NTN4: variants seen among roughly 807,000 people sequenced by gnomAD.
NTN4 encodes the protein netrin-4.
NTN4 carries 32 observed loss-of-function variants against 73.6 expected under a neutral mutation model. The ratio of observed to expected loss-of-function variants is 0.44; its 90% CI spans 0.33 to 0.58. The LOEUF is 0.58. NTN4 is among the 20% of genes least tolerant of loss of function. The probability of loss-of-function intolerance (pLI) is 0.04; values close to 1 mark genes in which losing one functional copy is unlikely to be tolerated. For missense variants in NTN4, 654 were observed against 798.3 expected (o/e 0.82, Z 2.18); for synonymous variants, 258 against 287.5 (o/e 0.90, Z 1.04).
rs59083360 is a variant in NTN4 at position 95,678,349 on chromosome 12, T to TA, written c.1510+4357dup. 4.9e-3 allele frequency among the ~76,000 whole-genome samples: 549 copies of TA among 110,912 alleles called. 3 individuals carry two copies. Among genetic ancestry groups the TA allele is most frequent in the African/African-American group, 0.015 (427 of 28,594 alleles). The allele number at this position is 110,912 out of a possible 152,430, so 72.8% of individuals were successfully genotyped here. On this transcript the variant is annotated intron_variant, in intron 7 of 9. Transcript: ENST00000343702. ...TGCACATGTATCCTAGAACTTAAAGTAAAAAAAAAAAAAAAAAAAGAATAG... is the reference window on the plus strand; with the variant it reads ...TGCACATGTATCCTAGAACTTAAAGTAAAAAAAAAAAAAAAAAAAAGAATAG...
chr12:95,671,983 A>G (rs1592654558), intron 7 of NTN4, among the ~76,000 whole-genome samples: 1 of 152,010 alleles, frequency 6.6e-6, no homozygotes. Flanking sequence ...TAATTTACTC[A>G]TTTAATATTC....
Position 95,682,612 on chromosome 12 carries a change from CT to C in NTN4, c.1510+94del, listed in dbSNP as rs2078326935. 3 of 744,422 alleles carry C rather than the reference CT, an allele frequency of 4.0e-6. No individual in the cohort carries two copies. In the African/African-American group the frequency reaches 5.2e-5, roughly 13 times the overall value. 46.1% of individuals were successfully genotyped at this position (744,422 alleles called of 1,614,324 possible). On this transcript the variant is annotated intron_variant, in intron 7 of 9. Transcript: ENST00000343702. The stretch of plus-strand genomic sequence containing the variant: ...GAAACCCCAGAACTAAAGAGTTCCC[CT>C]CATAGGATCCAAAAGCTGGACCCTG...
intron 3 of NTN4, among the ~76,000 whole-genome samples, chr12:95,729,611 TAAAG>T (rs2078721472): frequency 2.0e-5 from 2 of 99,498 alleles, no homozygotes; most frequent in Admixed American, 2.1e-4. Flanking sequence ...GGAATTATTA[TAAAG>T]AGAGAGAGAG....
intron 3 of NTN4, among the ~76,000 whole-genome samples, chr12:95,724,683 T>C (rs1032682527): frequency 6.6e-6 from 1 of 152,172 alleles, no homozygotes; most frequent in African/African-American, 2.4e-5. Flanking sequence ...GTAATTCCTG[T>C]CTATAGACAG....
chr12:95,714,499 C>T (rs937168664), intron 3 of NTN4, among the ~76,000 whole-genome samples: 1 of 151,458 alleles, frequency 6.6e-6, no homozygotes, highest in African/African-American at 2.4e-5. Flanking sequence ...CTATGCTAGG[C>T]CATGTTTGGT....
At chr12:95,674,689 A>G (rs888057895) in intron 7 of NTN4, among the ~76,000 whole-genome samples, 1 of 152,226 alleles carries the variant, frequency 6.6e-6, no homozygotes, top group African/African-American at 2.4e-5. Context: ...TATGGGAGGT[A>G]TATAGGTAGG....
chr12:95,707,115 T>G (rs1354002541), intron 5 of NTN4, among the ~76,000 whole-genome samples: 1 of 152,116 alleles, frequency 6.6e-6, no homozygotes, highest in Non-Finnish European at 1.5e-5. Context: ...ACAAGAACAG[T>G]CTTTTGAAAA....
intron 2 of NTN4, among the ~76,000 whole-genome samples, chr12:95,776,812 AC>A (rs2079096436): frequency 1.3e-5 from 2 of 152,152 alleles, no homozygotes; most frequent in Non-Finnish European, 2.9e-5. Flanking sequence ...TACAGAGAAC[AC>A]CAAAAAGATA....
intron 5 of NTN4, among the ~76,000 whole-genome samples, chr12:95,699,488 ACT>A (rs1565888636): frequency 6.6e-6 from 1 of 152,106 alleles, no homozygotes; most frequent in East Asian, 1.9e-4. Context: ...AAATGCAGAG[ACT>A]CTTCCTGAGA....
chr12:95,758,557 T>C (rs1229077372), intron 2 of NTN4, among the ~76,000 whole-genome samples: 1 of 152,118 alleles, frequency 6.6e-6, no homozygotes, highest in African/African-American at 2.4e-5. Context: ...TAGCAATAGT[T>C]TTTTATTTTA....
chr12:95,718,656 G>A (rs1336344466), intron 3 of NTN4, among the ~76,000 whole-genome samples: 2 of 152,228 alleles, frequency 1.3e-5, no homozygotes, highest in South Asian at 2.1e-4. Context: ...AAAATCAAAC[G>A]AGGAAGAGCT....
chr12:95,684,439 C>G (rs2078344719), intron 5 of NTN4, among the ~76,000 whole-genome samples: 1 of 151,844 alleles, frequency 6.6e-6, no homozygotes, highest in African/African-American at 2.4e-5. Flanking sequence ...GGTGGGACTA[C>G]AAGCCGGCAC....
At chr12:95,760,222 C>T (rs558949134) in intron 2 of NTN4, among the ~76,000 whole-genome samples, 1 of 152,146 alleles carries the variant, frequency 6.6e-6, no homozygotes, top group Non-Finnish European at 1.5e-5. Flanking sequence ...TCTGAGGGCT[C>T]TACCAGATGC....
intron 1 of NTN4, among the ~76,000 whole-genome samples, chr12:95,788,994 T>TA (rs2079188658): frequency 1.3e-5 from 2 of 152,234 alleles, no homozygotes; most frequent in African/African-American, 4.8e-5. Flanking sequence ...AGGTTTTTTT[T>TA]AAAGCTCATA....
At chr12:95,771,072 C>G (rs1325886354) in intron 2 of NTN4, among the ~76,000 whole-genome samples, 1 of 149,304 alleles carries the variant, frequency 6.7e-6, no homozygotes, top group East Asian at 1.9e-4. Context: ...TCACTGCAAG[C>G]TCCGCCTCCC....
chr12:95,773,897 C>T (rs1013145105), intron 2 of NTN4, among the ~76,000 whole-genome samples: 2 of 151,900 alleles, frequency 1.3e-5, no homozygotes. Flanking sequence ...TAAAAAGTAC[C>T]TTCCCTCCCC....
At chr12:95,715,089 G>C (rs1020822367) in intron 3 of NTN4, among the ~76,000 whole-genome samples, 2 of 152,094 alleles carry the variant, frequency 1.3e-5, no homozygotes, top group South Asian at 4.1e-4. Context: ...GCAATTATCC[G>C]AGTGTGCTAT....
chr12:95,750,099 C>A (rs555305515), intron 2 of NTN4, among the ~76,000 whole-genome samples: 6 of 152,068 alleles, frequency 3.9e-5, no homozygotes, highest in Non-Finnish European at 8.8e-5. Flanking sequence ...TCTCTGCGCC[C>A]CAATCCCTTA....
At chr12:95,750,289 C>A (rs1182654510) in intron 2 of NTN4, among the ~76,000 whole-genome samples, 2 of 151,860 alleles carry the variant, frequency 1.3e-5, no homozygotes, top group African/African-American at 4.8e-5. Flanking sequence ...ACCGCCGAAC[C>A]CCTTCTCTCT....
Sources: allele counts gnomAD v4.1 joint callset (sites outside exome capture counted in the v4.1 genomes callset), GRCh38; gene constraint gnomAD v4.1.1; transcripts MANE v1.5; gene names NCBI Gene and HGNC (gene_info 2026-07-23, HGNC 2026-07-21).